Variants in ANKRD18B observed in about 807,000 individuals in gnomAD.
ANKRD18B encodes the protein ankyrin repeat domain-containing protein 18B.
In ANKRD18B, 75 loss-of-function variants were observed where a neutral mutation model predicts 111.8. The ratio of observed to expected loss-of-function variants is 0.67; its 90% CI spans 0.56 to 0.81. The LOEUF (loss-of-function observed/expected upper bound fraction) is 0.81, where lower values mean the gene tolerates loss of function less well. Among genes scored for constraint, ANKRD18B ranks in the 40% least tolerant of loss-of-function variants. The pLI is 0.00. For synonymous variants in ANKRD18B, 356 were observed against 417.3 expected (o/e 0.85, Z 1.79); for missense variants, 1,038 against 1,225.5 (o/e 0.85, Z 2.28).
At chr9:33,537,222 G>T (rs1485505451) in intron 6 of ANKRD18B, among the ~76,000 whole-genome samples, 1 of 152,080 alleles carries the variant, frequency 6.6e-6, no homozygotes, top group African/African-American at 2.4e-5. Flanking sequence ...ACTTGAACCT[G>T]GGAAGTGGAG....
intron 4 of ANKRD18B, among the ~76,000 whole-genome samples, chr9:33,534,152 C>T (rs149978566): frequency 8.3e-4 from 126 of 152,194 alleles, no homozygotes; most frequent in African/African-American, 2.9e-3. Flanking sequence ...CAATGGGACA[C>T]GAAGCTTGCT....
intron 10 of ANKRD18B, among the ~76,000 whole-genome samples, chr9:33,547,029 G>A (rs559679853): frequency 6.6e-6 from 1 of 152,238 alleles, no homozygotes; most frequent in East Asian, 1.9e-4. Flanking sequence ...AAAAAATAAG[G>A]AGAAAAGGCA....
rs565519941 is a variant in ANKRD18B at position 33,571,227 on chromosome 9, T to A, written c.3178-19T>A. ...TTTAACTTAAACATTATTATTATTTTTTTTTTTACTTATTTTAGATGGAGC... is the reference window on the plus strand; with the variant it reads ...TTTAACTTAAACATTATTATTATTTATTTTTTTACTTATTTTAGATGGAGC... On this transcript the variant is annotated intron_variant, in intron 17 of 18. Transcript: ENST00000684830. 2,864 of 974,236 alleles carry A rather than the reference T, an allele frequency of 2.9e-3. 50 individuals are homozygous for A. The African/African-American group carries it at 0.041, about 14-fold the overall frequency. The allele number at this position is 974,236 out of a possible 1,614,324, so 60.3% of individuals were successfully genotyped here. A position where few individuals can be genotyped will look rare whatever the true frequency, so the allele number is the denominator to read the frequency against.
intron 14 of ANKRD18B, among the ~76,000 whole-genome samples, chr9:33,565,986 T>G (rs746242599): frequency 7.9e-5 from 12 of 152,204 alleles, no homozygotes; most frequent in Non-Finnish European, 1.6e-4. Context: ...TAAAAGCAAG[T>G]GAAAAAGTTC....
At chr9:33,574,956 G>A (rs866801979), downstream of ANKRD18B, among the ~76,000 whole-genome samples, 61 of 152,062 alleles carry the variant, frequency 4.0e-4, no homozygotes, top group African/African-American at 1.1e-3. Context: ...GTGGCTCTGC[G>A]TGAAGGATTG....
At position 33,548,060 on chromosome 9, in the gene ANKRD18B, G is replaced by T. The variant is rs777025115; in HGVS notation, c.1272G>T (p.Lys424Asn). 1.9e-4 allele frequency: 296 copies of T among 1,537,402 alleles called. No homozygotes were observed. Among genetic ancestry groups the T allele is most frequent in the Non-Finnish European group, 2.4e-4 (278 of 1,142,426 alleles). Reference protein sequence around the residue: ...AIKNDSLRKEKKYIQEIKSIT... With the variant: ...AIKNDSLRKENKYIQEIKSIT... ...AAAATGACAGTCTCAGAAAGGAAAAGAAATATATTCAGGAAATTAAAAGTA... is the reference window on the plus strand; with the variant it reads ...AAAATGACAGTCTCAGAAAGGAAAATAAATATATTCAGGAAATTAAAAGTA... The change falls in exon 11 of 19, where the codon AAG (lysine) becomes AAT (asparagine). Residue 424 changes from lysine to asparagine, a missense_variant. This residue lies in a region of ANKRD18B where 205 missense variants were observed against 201.3 expected (regional missense o/e 1.02). Transcript: ENST00000684830.
intron 3 of ANKRD18B, among the ~76,000 whole-genome samples, chr9:33,530,527 CAA>C (rs34371607): frequency 2.4e-3 from 201 of 82,970 alleles, no homozygotes; most frequent in Middle Eastern, 6.8e-3. Flanking sequence ...ACAACAAGAG[CAA>C]AAAAAAAAAA....
Position 33,534,362 on chromosome 9 carries a change from T to G in ANKRD18B, c.603-8T>G. The G allele has an allele frequency of 6.6e-7, 1 of 1,523,908 alleles. No homozygotes were observed. Among genetic ancestry groups the G allele is most frequent in the Non-Finnish European group, 8.8e-7 (1 of 1,138,890 alleles). The allele number at this position is 1,523,908 out of a possible 1,614,324, so 94.4% of individuals were successfully genotyped here. ...TTCTTGAGTGCTGTTATTTCTTTAT[T>G]GTTTTAGAACAGCCCTCATACTTGC... On this transcript the variant is annotated splice_region_variant and splice_polypyrimidine_tract_variant and intron_variant, in intron 4 of 18. Coordinates refer to ENST00000684830, the MANE Select transcript of ANKRD18B (RefSeq NM_001393611.1).
intron 17 of ANKRD18B, among the ~76,000 whole-genome samples, chr9:33,570,345 T>C (rs1213478288): frequency 6.6e-6 from 1 of 152,164 alleles, no homozygotes; most frequent in African/African-American, 2.4e-5. Flanking sequence ...TCTTGGGTCC[T>C]ATGCTCACTA....
rs1487465753 is a variant in ANKRD18B at position 33,548,545 on chromosome 9, A to G, written c.1757A>G (p.Gln586Arg). The stretch of plus-strand genomic sequence containing the variant: ...GTACAGCTGGACCTAAAGCAAGCGC[A>G]GCATCGAATAAAGGAAATGAAGCAG... ...ESVQLDLKQA[Q>R]HRIKEMKQMH... The change falls in exon 11 of 19, where the codon CAG becomes CGG. Residue 586 changes from glutamine (Q) to arginine (R), a missense_variant. This residue lies in a region of ANKRD18B where 524 missense variants were observed against 677.9 expected (regional missense o/e 0.77). Transcript: ENST00000684830. 5 of 1,550,868 alleles carry G rather than the reference A, an allele frequency of 3.2e-6. No homozygotes were observed. In the African/African-American group the frequency reaches 4.1e-5, roughly 13 times the overall value.
intron 14 of ANKRD18B, among the ~76,000 whole-genome samples, chr9:33,564,660 A>C (rs919828210): frequency 1.3e-4 from 20 of 152,220 alleles, no homozygotes; most frequent in Non-Finnish European, 2.1e-4. Flanking sequence ...CCTTCCCACC[A>C]ACAGCATGTA....
chr9:33,564,296 A>T (rs1416161455), intron 14 of ANKRD18B, among the ~76,000 whole-genome samples: 1 of 152,220 alleles, frequency 6.6e-6, no homozygotes. Context: ...CATGAGTGAG[A>T]ATGTGCAGTA....
At chr9:33,565,772 G>A (rs1022144758) in intron 14 of ANKRD18B, among the ~76,000 whole-genome samples, 11 of 152,036 alleles carry the variant, frequency 7.2e-5, no homozygotes, top group Non-Finnish European at 1.6e-4. Context: ...CATGCCTAGC[G>A]TAGAGTATTA....
chr9:33,543,187 C>A lies in ANKRD18B; in HGVS notation c.1081C>A (p.His361Asn), dbSNP rs1239514428. ...TAAACATATGGATTTGTCAGCAGAA[C>A]ACAACTTAAAAGTGGCTTCAGAGGA... ...LKKRKEGAKEHNLKVASEEKQ... is the reference protein window; with the variant it reads ...LKKRKEGAKENNLKVASEEKQ... Residue 361 changes from histidine to asparagine, a missense_variant and splice_region_variant, in exon 10 of 19, where the codon CAC becomes AAC. His to Asn is a moderately conservative substitution (Grantham distance 68). Around this residue, in one of 4 missense-constraint regions of ANKRD18B, gnomAD observed 205 missense variants for 201.3 expected, o/e 1.02. Transcript: ENST00000684830. The A allele has an allele frequency of 6.4e-7, 1 of 1,551,008 alleles. No homozygotes were observed. Among genetic ancestry groups the A allele is most frequent in the Admixed American group, 2.0e-5 (1 of 50,932 alleles).
intron 14 of ANKRD18B, among the ~76,000 whole-genome samples, chr9:33,558,585 C>G (rs908384635): frequency 4.6e-5 from 7 of 152,090 alleles, no homozygotes; most frequent in Admixed American, 1.3e-4. Flanking sequence ...ATTTTTTTAT[C>G]CTGTCTATCA....
intron 16 of ANKRD18B, among the ~76,000 whole-genome samples, chr9:33,568,132 A>G (rs1428478338): frequency 6.6e-6 from 1 of 152,222 alleles, no homozygotes; most frequent in African/African-American, 2.4e-5. Context: ...AATGGGTGAA[A>G]TGTACAAGGG....
At chr9:33,569,776 G>A (rs1364519006) in intron 17 of ANKRD18B, among the ~76,000 whole-genome samples, 2 of 152,148 alleles carry the variant, frequency 1.3e-5, no homozygotes, top group Non-Finnish European at 2.9e-5. Context: ...GCTCACGCCT[G>A]TAATCCCAGC....
chr9:33,533,726 C>T (rs1225860484), intron 4 of ANKRD18B, 181 bp downstream of exon 4: 6 of 1,282,922 alleles, frequency 4.7e-6, no homozygotes, highest in South Asian at 2.1e-5. Flanking sequence ...ACATAAAAAA[C>T]AGTATATAGT....
At chr9:33,546,623 A>G (rs926831869) in intron 10 of ANKRD18B, among the ~76,000 whole-genome samples, 1 of 152,130 alleles carries the variant, frequency 6.6e-6, no homozygotes, top group Non-Finnish European at 1.5e-5. Context: ...GAGCCATTAA[A>G]TTGTTTTGCC....
Sources: allele counts gnomAD v4.1 joint callset (sites outside exome capture counted in the v4.1 genomes callset), GRCh38; gene constraint gnomAD v4.1.1; regional missense constraint gnomAD v4.1.1; transcripts MANE v1.5; gene names NCBI Gene and HGNC (gene_info 2026-07-23, HGNC 2026-07-21).